ETV6: variants seen among roughly 807,000 people sequenced by gnomAD.
ETV6 encodes ETS variant transcription factor 6.
In ETV6, 16 loss-of-function variants were observed where a neutral mutation model predicts 51.1. The ratio of observed to expected loss-of-function variants is 0.31; its 90% CI spans 0.21 to 0.48. ETV6 has a LOEUF of 0.48. ETV6 is among the 20% of genes least tolerant of loss of function. The pLI is 0.99. For missense variants in ETV6, 458 were observed against 594.8 expected (o/e 0.77, Z 2.39); for synonymous variants, 240 against 224.1 (o/e 1.07, Z -0.64).
chr12:11,887,850 A>G (rs1454002675), intron 7 of ETV6, among the ~76,000 whole-genome samples: 2 of 152,116 alleles, frequency 1.3e-5, no homozygotes, highest in Non-Finnish European at 2.9e-5. Context: ...TTGAAACTAC[A>G]GTTCCCTTTG....
chr12:11,879,461 C>T (rs1947052796), intron 5 of ETV6, among the ~76,000 whole-genome samples: 1 of 152,150 alleles, frequency 6.6e-6, no homozygotes, highest in African/African-American at 2.4e-5. Context: ...AATCTCTGCT[C>T]AATAAGTTTA....
At chr12:11,863,328 T>G (rs1946742436) in intron 4 of ETV6, among the ~76,000 whole-genome samples, 1 of 152,100 alleles carries the variant, frequency 6.6e-6, no homozygotes, top group African/African-American at 2.4e-5. Flanking sequence ...CCACTTAAAG[T>G]CCTGGTTTAT....
intron 1 of ETV6, among the ~76,000 whole-genome samples, chr12:11,730,654 C>T (rs1310195132): frequency 1.3e-5 from 2 of 152,190 alleles, no homozygotes; most frequent in Admixed American, 1.3e-4. Flanking sequence ...CCTACAGGTG[C>T]AGAGAATGGT....
intron 2 of ETV6, among the ~76,000 whole-genome samples, chr12:11,771,830 G>A (rs1945245219): frequency 2.0e-5 from 3 of 152,156 alleles, no homozygotes; most frequent in Non-Finnish European, 2.9e-5. Flanking sequence ...AATCAGACTT[G>A]CATAGCAAAG....
chr12:11,839,400 C>A, intron 3 of ETV6, 96 bp downstream of exon 3: 2 of 1,233,598 alleles, frequency 1.6e-6, no homozygotes, highest in Non-Finnish European at 2.3e-6. Flanking sequence ...GAAATCCCAA[C>A]AGTGAGTCAT....
At position 11,750,792 on chromosome 12, in the gene ETV6, C is replaced by CTTTTTTTTT. The variant is rs6144613; in HGVS notation, c.34-1641_34-1633dup. The CTTTTTTTTT allele has an allele frequency of 4.2e-4, 156 of 370,026 alleles. 1 individual carries two copies. The highest frequency in any genetic ancestry group is 7.7e-4 in the African/African-American group (23 of 29,752). 22.9% of individuals were successfully genotyped at this position (370,026 alleles called of 1,614,324 possible). A position where few individuals can be genotyped will look rare whatever the true frequency, so the allele number is the denominator to read the frequency against. On this transcript the variant is annotated intron_variant, in intron 1 of 7. Coordinates refer to ENST00000396373, the MANE Select transcript of ETV6 (RefSeq NM_001987.5). ...ATTTTATGTTTCCTATATGTGTGGG[C>CTTTTTTTTT]TTTTTTTTTTTTTTTTTTTTTTTTT... is the stretch of plus-strand genomic sequence containing the variant.
intron 1 of ETV6, among the ~76,000 whole-genome samples, chr12:11,706,008 T>C (rs571661189): frequency 9.8e-5 from 15 of 152,330 alleles, no homozygotes; most frequent in African/African-American, 3.4e-4. Context: ...CCCTGAACTT[T>C]GATGGTTTTC....
At chr12:11,734,544 A>G (rs2120991344) in intron 1 of ETV6, among the ~76,000 whole-genome samples, 1 of 151,162 alleles carries the variant, frequency 6.6e-6, no homozygotes, top group African/African-American at 2.4e-5. Context: ...AAAAAAAAAG[A>G]AGAAGAAGAA....
intron 2 of ETV6, among the ~76,000 whole-genome samples, chr12:11,831,371 G>A (rs550741745): frequency 1.6e-4 from 25 of 152,214 alleles, no homozygotes; most frequent in South Asian, 4.2e-4. Context: ...GATTACAGGC[G>A]CCTGCCACCA....
At chr12:11,754,933 A>G (rs1362224629) in intron 2 of ETV6, among the ~76,000 whole-genome samples, 1 of 152,216 alleles carries the variant, frequency 6.6e-6, no homozygotes, top group Admixed American at 6.5e-5. Flanking sequence ...TGTCACACAT[A>G]AGGGCTTAGA....
intron 1 of ETV6, among the ~76,000 whole-genome samples, chr12:11,741,537 A>T (rs976573055): frequency 6.6e-6 from 1 of 152,104 alleles, no homozygotes; most frequent in Non-Finnish European, 1.5e-5. Context: ...GGAGCTCCGG[A>T]AAGTGAAGCT....
Sources: allele counts gnomAD v4.1 joint callset (sites outside exome capture counted in the v4.1 genomes callset), GRCh38; gene constraint gnomAD v4.1.1; transcripts MANE v1.5; gene names NCBI Gene and HGNC (gene_info 2026-07-23, HGNC 2026-07-21).